ERGIC3: variants seen among roughly 807,000 people sequenced by gnomAD.
The protein encoded by ERGIC3 is ERGIC and golgi 3, also known as endoplasmic reticulum-Golgi intermediate compartment protein 3.
ERGIC3 carries 33 observed loss-of-function variants against 54.7 expected under a neutral mutation model. The ratio of observed to expected loss-of-function variants is 0.60; its 90% CI spans 0.46 to 0.81. ERGIC3 has a LOEUF of 0.81. ERGIC3 is among the 30% of genes least tolerant of loss of function. The pLI is 0.00. For missense variants in ERGIC3, 399 were observed against 488.4 expected, an observed-to-expected ratio of 0.82 and a Z score of 1.73; for synonymous variants, 186 against 189.8, an observed-to-expected ratio of 0.98 and a Z score of 0.16.
chr20:35,542,494 T>C lies in ERGIC3; in HGVS notation c.160-19T>C, dbSNP rs541109847. On this transcript the variant is annotated intron_variant, in intron 2 of 12. Coordinates refer to ENST00000348547, the MANE Select transcript of ERGIC3 (RefSeq NM_015966.3). The stretch of plus-strand genomic sequence containing the variant: ...GGAGAGGTTTGGGGCTAAGTCTTAC[T>C]GAGGTAGCGCTGCCCCAGGTGCATC... The C allele has an allele frequency of 1.2e-6, 2 of 1,613,932 alleles. No homozygotes were observed. The highest frequency in any genetic ancestry group is 1.7e-4 in the Middle Eastern group (1 of 6,048).
At chr20:35,556,340 C>A in intron 10 of ERGIC3, 69 bp downstream of exon 10, 2 of 1,544,246 alleles carry the variant, frequency 1.3e-6, no homozygotes, top group Non-Finnish European at 1.8e-6. Context: ...GCATTTCGTT[C>A]CGTCAGCCTG....
chr20:35,554,683 A>G (rs2064701620), intron 7 of ERGIC3, among the ~76,000 whole-genome samples: 1 of 152,128 alleles, frequency 6.6e-6, no homozygotes, highest in Non-Finnish European at 1.5e-5. Context: ...CTCAGATCCC[A>G]CCTCACTTTG....
chr20:35,555,993 A>G (rs1185831461), intron 8 of ERGIC3, 40 bp from the exon 9 acceptor site: 1 of 1,591,232 alleles, frequency 6.3e-7, no homozygotes, highest in African/African-American at 1.3e-5. Context: ...TGCTACTGTC[A>G]TCAGAGCTTT....
intron 10 of ERGIC3, 139 bp from the exon 11 acceptor site, chr20:35,556,834 A>G (rs2146208122): frequency 8.2e-7 from 1 of 1,214,616 alleles, no homozygotes; most frequent in Non-Finnish European, 1.2e-6. Context: ...CTTGCAGTGC[A>G]GGCCACTAGC....
At chr20:35,556,403 A>C (rs1378513570) in intron 10 of ERGIC3, 132 bp downstream of exon 10, 7 of 983,556 alleles carry the variant, frequency 7.1e-6, no homozygotes, top group Non-Finnish European at 1.1e-5. Context: ...TGAGGCACAG[A>C]GAGGGTGGGG....
chr20:35,548,402 A>C (rs1017987261), intron 5 of ERGIC3, 107 bp from the exon 6 acceptor site: 2 of 1,201,348 alleles, frequency 1.7e-6, no homozygotes, highest in Non-Finnish European at 2.4e-6. Flanking sequence ...GGATGAGGCT[A>C]GCAGAGCCTT....
rs541557488 is a variant in ERGIC3, at chr20:35,557,083, G to A, written c.990G>A (p.Met330Ile). Reference sequence around the variant, plus strand: ...TCGTCCTCTATGAGCTCTCGCCCATGATGGTGAAGCTGACGGAGAAGCACA... The same window carrying A: ...TCGTCCTCTATGAGCTCTCGCCCATAATGGTGAAGCTGACGGAGAAGCACA... Reference protein sequence around the residue: ...GVFVLYELSPMMVKLTEKHRS... With the variant: ...GVFVLYELSPIMVKLTEKHRS... Residue 330 changes from methionine to isoleucine, a missense_variant, in exon 11 of 13, where the codon ATG becomes ATA. Met to Ile is a conservative substitution (Grantham distance 10, BLOSUM62 1). Transcript: ENST00000348547. 1 of 1,614,258 alleles carries A rather than the reference G, an allele frequency of 6.2e-7. No individual in the cohort carries two copies. Among genetic ancestry groups the A allele is most frequent in the East Asian group, 2.2e-5 (1 of 44,886 alleles).
chr20:35,542,612 AC>A lies in ERGIC3; in HGVS notation c.247+14del, dbSNP rs1601358253. The stretch of plus-strand genomic sequence containing the variant: ...CATGCCTTGTGCCTGTGAGTACCTC[AC>A]CATGGGTGGGACTGGAGAGACCCAG... On this transcript the variant is annotated intron_variant, in intron 3 of 12. Coordinates refer to ENST00000348547, the MANE Select transcript of ERGIC3 (RefSeq NM_015966.3). 4 of 1,613,850 alleles carry A rather than the reference AC, an allele frequency of 2.5e-6. No homozygotes were observed. The highest frequency in any genetic ancestry group is 3.4e-6 in the Non-Finnish European group (4 of 1,179,896).
At chr20:35,542,214 G>A (rs1040815152) in intron 1 of ERGIC3, 29 bp downstream of exon 1, 20 of 1,588,488 alleles carry the variant, frequency 1.3e-5, no homozygotes, top group Non-Finnish European at 1.6e-5. Flanking sequence ...GGGGTCGCGT[G>A]GAGGGGGGCG....
chr20:35,556,802 GA>G, intron 10 of ERGIC3, 170 bp from the exon 11 acceptor site: 1 of 838,804 alleles, frequency 1.2e-6, no homozygotes, highest in Non-Finnish European at 1.9e-6. Flanking sequence ...AAGACTAGGA[GA>G]GGGGGTCTGG....
chr20:35,554,337 T>G (rs376482356), intron 7 of ERGIC3: 74 of 1,613,998 alleles, frequency 4.6e-5, no homozygotes, highest in Middle Eastern at 1.6e-4. Context: ...AAGCTCTGAA[T>G]CTTTCTTCTC....
chr20:35,556,611 T>C, intron 10 of ERGIC3: 1 of 490,518 alleles, frequency 2.0e-6, no homozygotes, highest in Non-Finnish European at 3.7e-6. Context: ...CCCTGGCCTG[T>C]GGAGCAGCAT....
intron 8 of ERGIC3, among the ~76,000 whole-genome samples, chr20:35,555,499 T>G (rs2064706052): frequency 6.6e-6 from 1 of 152,126 alleles, no homozygotes; most frequent in African/African-American, 2.4e-5. Flanking sequence ...TAATCAGATT[T>G]GCATTTTAGG....
At chr20:35,551,657 G>C (rs189706634) in intron 7 of ERGIC3, among the ~76,000 whole-genome samples, 1 of 152,344 alleles carries the variant, frequency 6.6e-6, no homozygotes, top group Non-Finnish European at 1.5e-5. Context: ...GGAATTGGTA[G>C]GGGAGACTGG....
chr20:35,556,308 G>A (rs762993375), intron 10 of ERGIC3, 37 bp downstream of exon 10: 19 of 1,607,906 alleles, frequency 1.2e-5, no homozygotes, highest in South Asian at 2.2e-5. Context: ...TCTCCTGCGC[G>A]GTGCCAAGCA....
chr20:35,542,773 C>T (rs939955495), intron 3 of ERGIC3, 49 bp from the exon 4 acceptor site: 2 of 1,613,778 alleles, frequency 1.2e-6, no homozygotes, highest in Admixed American at 1.7e-5. Context: ...AACCCACATC[C>T]CCTTGTCCCT....
chr20:35,547,545 G>T, intron 5 of ERGIC3, 40 bp downstream of exon 5: 1 of 1,579,876 alleles, frequency 6.3e-7, no homozygotes, highest in African/African-American at 1.3e-5. Flanking sequence ...CCCATCAGGC[G>T]CCATCTGTCA....
chr20:35,547,571 A>G (rs2064655968), intron 5 of ERGIC3, 66 bp downstream of exon 5: 4 of 1,470,172 alleles, frequency 2.7e-6, no homozygotes, highest in Non-Finnish European at 3.8e-6. Context: ...CCTCAGCCTC[A>G]GTCAGACTGT....
chr20:35,555,778 T>C (rs868279087), intron 8 of ERGIC3, among the ~76,000 whole-genome samples: 28 of 142,050 alleles, frequency 2.0e-4, no homozygotes, highest in South Asian at 8.8e-4. Flanking sequence ...ATGCCACTGC[T>C]CTCCAGCCTG....
Sources: allele counts gnomAD v4.1 joint callset (sites outside exome capture counted in the v4.1 genomes callset), GRCh38; gene constraint gnomAD v4.1.1; transcripts MANE v1.5; gene names NCBI Gene and HGNC (gene_info 2026-07-23, HGNC 2026-07-21).